PCDHA5: variants seen among roughly 807,000 people sequenced by gnomAD.
PCDHA5 encodes the protein protocadherin alpha 5.
PCDHA5 carries 43 observed loss-of-function variants against 61.6 expected under a neutral mutation model. The ratio of observed to expected loss-of-function variants is 0.70; its 90% confidence interval spans 0.55 to 0.90. PCDHA5 has a LOEUF of 0.90. PCDHA5 is among the 40% of genes least tolerant of loss of function. The probability of loss-of-function intolerance (pLI) is 0.00; values close to 1 mark genes in which losing one functional copy is unlikely to be tolerated. For synonymous variants in PCDHA5, 627 were observed against 543.9 expected (o/e 1.15, Z -2.13); for missense variants, 1,298 against 1,222.7 (o/e 1.06, Z -0.92).
intron 1 of PCDHA5, chr5:140,884,363 T>A (rs1444938392): frequency 6.2e-7 from 1 of 1,613,818 alleles, no homozygotes; most frequent in African/African-American, 1.3e-5. Context: ...TGTCAATGTT[T>A]ACTTGATCAT....
At chr5:140,928,977 T>C in intron 1 of PCDHA5, 1 of 1,613,888 alleles carries the variant, frequency 6.2e-7, no homozygotes, top group Non-Finnish European at 8.5e-7. Context: ...CCTTTTTATT[T>C]CTGGGGTGCT....
At chr5:140,934,312 A>G (rs2089755727) in intron 1 of PCDHA5, among the ~76,000 whole-genome samples, 1 of 152,108 alleles carries the variant, frequency 6.6e-6, no homozygotes, top group South Asian at 2.1e-4. Context: ...CTTACTGCAA[A>G]TGTCCAATCA....
chr5:140,823,931 C>T lies in PCDHA5; in HGVS notation c.2156C>T (p.Ala719Val). ...GTGCTCACGCTGCTGCTGTACACCG[C>T]GCTGCGGTGCTCGGCGCAGCCCACC... is the stretch of plus-strand genomic sequence containing the variant. ...LLVLTLLLYT[A>V]LRCSAQPTEA... Residue 719 changes from alanine (A) to valine (V), a missense_variant, in exon 1 of 4, where the codon GCG becomes GTG. Coordinates refer to ENST00000529859, the MANE Select transcript of PCDHA5 (RefSeq NM_018908.3). 1 of 1,613,968 alleles carries T rather than the reference C, an allele frequency of 6.2e-7. No individual in the cohort carries two copies. The highest frequency in any genetic ancestry group is 1.1e-5 in the South Asian group (1 of 91,068).
At chr5:140,829,296 A>G in intron 1 of PCDHA5, 6 of 1,614,222 alleles carry the variant, frequency 3.7e-6, no homozygotes, top group Non-Finnish European at 5.1e-6. Context: ...TCCACCTTCA[A>G]GAATTACTAC....
chr5:140,904,797 C>T (rs2071388214), intron 1 of PCDHA5, among the ~76,000 whole-genome samples: 1 of 152,022 alleles, frequency 6.6e-6, no homozygotes, highest in East Asian at 1.9e-4. Context: ...TTTGCATTTT[C>T]CTGATAATTA....
chr5:140,875,891 T>C (rs781902632), intron 1 of PCDHA5: 3 of 1,614,008 alleles, frequency 1.9e-6, no homozygotes, highest in Non-Finnish European at 2.5e-6. Context: ...GAACAAAAGG[T>C]ACCTGTTTCT....
intron 1 of PCDHA5, among the ~76,000 whole-genome samples, chr5:140,899,127 C>G (rs1487430888): frequency 2.0e-4 from 30 of 152,302 alleles, no homozygotes; most frequent in African/African-American, 7.0e-4. Context: ...ACAATCATGT[C>G]TTCTGCAAAC....
intron 1 of PCDHA5, among the ~76,000 whole-genome samples, chr5:140,832,318 G>T (rs1416750803): frequency 1.3e-5 from 2 of 152,116 alleles, no homozygotes; most frequent in Non-Finnish European, 2.9e-5. Context: ...GTTGCTTAAG[G>T]GCCATTAGAG....
At chr5:140,828,658 T>C (rs2150157728) in intron 1 of PCDHA5, 11 of 1,613,998 alleles carry the variant, frequency 6.8e-6, no homozygotes, top group Non-Finnish European at 3.4e-6. Flanking sequence ...GTGATGACAA[T>C]AAACAAATTG....
chr5:140,829,625 G>C (rs138462086), intron 1 of PCDHA5: 8 of 1,612,066 alleles, frequency 5.0e-6, no homozygotes, highest in South Asian at 3.3e-5. Flanking sequence ...TTCGGTGCAC[G>C]CGGAGAGCGG....
At chr5:140,904,692 A>G (rs1484371560) in intron 1 of PCDHA5, among the ~76,000 whole-genome samples, 1 of 152,126 alleles carries the variant, frequency 6.6e-6, no homozygotes, top group Non-Finnish European at 1.5e-5. Context: ...GCAGTGTAAA[A>G]TTGTTCCCTT....
chr5:140,983,101 C>T (rs1047738074), intron 3 of PCDHA5, among the ~76,000 whole-genome samples: 2 of 152,228 alleles, frequency 1.3e-5, no homozygotes, highest in African/African-American at 4.8e-5. Flanking sequence ...ATCTGCTTCT[C>T]TCTGCACATC....
intron 1 of PCDHA5, chr5:140,863,348 C>G (rs548906600): frequency 3.0e-5 from 39 of 1,313,260 alleles, no homozygotes; most frequent in Non-Finnish European, 4.0e-5. Flanking sequence ...CTGCTGTACA[C>G]GACGCTGCGG....
intron 3 of PCDHA5, among the ~76,000 whole-genome samples, chr5:140,989,980 C>T (rs1172154204): frequency 6.6e-6 from 1 of 152,012 alleles, no homozygotes; most frequent in South Asian, 2.1e-4. Context: ...AGCAACAGCC[C>T]TGCCTGAAAT....
At chr5:140,882,561 G>A in intron 1 of PCDHA5, 2 of 1,614,222 alleles carry the variant, frequency 1.2e-6, no homozygotes, top group Non-Finnish European at 1.7e-6. Flanking sequence ...CTGTGTGGGC[G>A]GAGCGCGGAG....
chr5:140,822,604 G>A lies in PCDHA5; in HGVS notation c.829G>A (p.Val277Met). 1 of 1,608,228 alleles carries A rather than the reference G, an allele frequency of 6.2e-7. No homozygotes were observed. Among genetic ancestry groups the A allele is most frequent in the Non-Finnish European group, 8.5e-7 (1 of 1,175,010 alleles). The stretch of plus-strand genomic sequence containing the variant: ...AGATGAGGGCATCAATAAGGAAATA[G>A]TGTATTTCTTTAGTAATCTTGTTCT... ...DADEGINKEI[V>M]YFFSNLVLDD... Residue 277 changes from valine to methionine, a missense_variant, in exon 1 of 4, where the codon GTG (valine) becomes ATG (methionine). Physicochemically the swap from Val to Met is conservative, Grantham distance 21 (BLOSUM62 1). Transcript: ENST00000529859.
chr5:140,843,160 A>C lies in PCDHA5; in HGVS notation c.2352+19033A>C, dbSNP rs2150354112. The stretch of plus-strand genomic sequence containing the variant: ...CGTGGCTTTCGTATGAGCTGCAGCC[A>C]GCTGCAAGCAGCCCTCGCATCCCGT... On this transcript the variant is annotated intron_variant, in intron 1 of 3. Transcript: ENST00000529859. 3.6e-5 allele frequency: 58 copies of C among 1,596,000 alleles called. 4 individuals are homozygous for C. In the South Asian group the frequency reaches 6.1e-4, roughly 17 times the overall value.
intron 1 of PCDHA5, among the ~76,000 whole-genome samples, chr5:140,934,797 T>A (rs1045887352): frequency 6.6e-6 from 1 of 152,236 alleles, no homozygotes; most frequent in African/African-American, 2.4e-5. Context: ...CAATTATCTT[T>A]TTAATGATCA....
At chr5:140,954,036 T>G (rs527853766) in intron 1 of PCDHA5, among the ~76,000 whole-genome samples, 170 of 152,342 alleles carry the variant, frequency 1.1e-3, no homozygotes, top group African/African-American at 3.9e-3. Context: ...GATGTGGTAT[T>G]TGGTTTTCTG....
Sources: allele counts gnomAD v4.1 joint callset (sites outside exome capture counted in the v4.1 genomes callset), GRCh38; gene constraint gnomAD v4.1.1; transcripts MANE v1.5; gene names NCBI Gene and HGNC (gene_info 2026-07-23, HGNC 2026-07-21).